RAD51B: variants seen among roughly 807,000 people sequenced by gnomAD.
The protein encoded by RAD51B is DNA repair protein RAD51 homolog 2.
Under a neutral mutation model 42.2 loss-of-function variants are expected in RAD51B, and 38 were observed. The observed-to-expected ratio is 0.90, with a 90% CI of 0.70 to 1.18. The LOEUF (loss-of-function observed/expected upper bound fraction) is 1.18, where lower values mean the gene tolerates loss of function less well. RAD51B is among the 50% of genes most tolerant of loss of function. The pLI is 0.00. For synonymous variants in RAD51B, 154 were observed against 145.2 expected (o/e 1.06, Z -0.43); for missense variants, 373 against 400.7 (o/e 0.93, Z 0.59).
At chr14:68,255,442 T>A (rs958311574) in intron 7 of RAD51B, among the ~76,000 whole-genome samples, 1 of 152,200 alleles carries the variant, frequency 6.6e-6, no homozygotes, top group Non-Finnish European at 1.5e-5. Context: ...TTCCAAGTCC[T>A]ACTTTCATAC....
At chr14:68,388,759 T>C (rs1328284513) in intron 8 of RAD51B, among the ~76,000 whole-genome samples, 1 of 152,186 alleles carries the variant, frequency 6.6e-6, no homozygotes, top group Non-Finnish European at 1.5e-5. Flanking sequence ...TAGCTTGTTT[T>C]CATGAATGGA....
intron 7 of RAD51B, among the ~76,000 whole-genome samples, chr14:68,010,421 T>A (rs552869536): frequency 6.6e-6 from 1 of 151,882 alleles, no homozygotes; most frequent in Non-Finnish European, 1.5e-5. Flanking sequence ...CCTTGGCTCA[T>A]CAGAGAGAGC....
intron 7 of RAD51B, among the ~76,000 whole-genome samples, chr14:67,915,344 T>C (rs1226769787): frequency 6.6e-6 from 1 of 152,332 alleles, no homozygotes; most frequent in East Asian, 1.9e-4. Context: ...AAGCTTTTAT[T>C]GGATAGATTT....
rs575542859 is a variant in RAD51B at position 68,065,409 on chromosome 14, C to T, written c.756+178205C>T. Among the ~76,000 whole-genome samples the T allele has an allele frequency of 5.9e-5, 9 of 152,262 alleles. No homozygotes were observed. The East Asian group carries it at 1.5e-3, about 26-fold the overall frequency. ...GGTGCTACTCCCCTGGGGCCATGTG[C>T]TGGCCTGGTCTGTGCTCAGGGAAAA... On this transcript the variant is annotated intron_variant, in intron 7 of 10. Transcript: ENST00000471583.
At chr14:68,490,867 G>A (rs1884013575) in intron 10 of RAD51B, among the ~76,000 whole-genome samples, 1 of 152,172 alleles carries the variant, frequency 6.6e-6, no homozygotes, top group Non-Finnish European at 1.5e-5. Context: ...AGGCCAAGGG[G>A]AGAGCGGGGA....
chr14:68,389,785 G>A lies in RAD51B; in HGVS notation c.854-21639G>A, dbSNP rs139031986. Among the ~76,000 whole-genome samples the A allele has an allele frequency of 2.4e-3, 361 of 152,274 alleles. 2 individuals carry two copies. Among genetic ancestry groups the A allele is most frequent in the Non-Finnish European group, 2.9e-3 (196 of 68,024 alleles). ...ATTTTGTCCGATGTAGATTTGATCCGTCTCAGTCAGGCTTCCAAAAGACTT... is the reference window on the plus strand; with the variant it reads ...ATTTTGTCCGATGTAGATTTGATCCATCTCAGTCAGGCTTCCAAAAGACTT... On this transcript the variant is annotated intron_variant, in intron 8 of 10. Coordinates refer to ENST00000471583, the MANE Select transcript of RAD51B (RefSeq NM_133510.4).
At chr14:67,834,805 T>C (rs181155574) in intron 3 of RAD51B, among the ~76,000 whole-genome samples, 16 of 152,280 alleles carry the variant, frequency 1.1e-4, no homozygotes, top group Admixed American at 8.5e-4. Context: ...CTCTTATTAA[T>C]TGTGTTGTAA....
chr14:67,920,389 T>C (rs1225296576), intron 7 of RAD51B, among the ~76,000 whole-genome samples: 1 of 152,194 alleles, frequency 6.6e-6, no homozygotes, highest in Non-Finnish European at 1.5e-5. Context: ...GTTATAAATC[T>C]ATTTCATCTT....
At chr14:68,485,888 G>T (rs1022020385) in intron 10 of RAD51B, among the ~76,000 whole-genome samples, 2 of 152,254 alleles carry the variant, frequency 1.3e-5, no homozygotes, top group African/African-American at 4.8e-5. Context: ...CTAGTCACGT[G>T]TGGTGTTGCC....
At chr14:68,098,801 A>ATGCG (rs1371701160) in intron 7 of RAD51B, among the ~76,000 whole-genome samples, 1 of 152,242 alleles carries the variant, frequency 6.6e-6, no homozygotes, top group Admixed American at 6.5e-5. Context: ...GGATAAGGAA[A>ATGCG]TTCTAGAGCA....
intron 7 of RAD51B, among the ~76,000 whole-genome samples, chr14:68,036,979 TC>T (rs1184601932): frequency 9.2e-5 from 14 of 151,666 alleles, no homozygotes; most frequent in Admixed American, 1.3e-4. Context: ...TTCTTTAGTA[TC>T]CATAATTGCT....
intron 8 of RAD51B, among the ~76,000 whole-genome samples, chr14:68,350,560 G>T (rs2082765521): frequency 6.6e-6 from 1 of 152,196 alleles, no homozygotes; most frequent in African/African-American, 2.4e-5. Flanking sequence ...GCATAAATCA[G>T]TGTTAGGTCC....
intron 7 of RAD51B, among the ~76,000 whole-genome samples, chr14:67,998,088 C>T (rs1323069998): frequency 2.0e-5 from 3 of 152,160 alleles, no homozygotes; most frequent in Non-Finnish European, 4.4e-5. Flanking sequence ...CCTGGACCAA[C>T]AGTATCAATG....
intron 9 of RAD51B, among the ~76,000 whole-genome samples, chr14:68,466,740 G>T (rs1171071686): frequency 1.3e-5 from 2 of 152,200 alleles, no homozygotes; most frequent in Non-Finnish European, 1.5e-5. Context: ...TCAAAGCTTG[G>T]TCACATAGCC....
At chr14:68,664,969 C>G (rs775449990) in intron 11 of RAD51B, among the ~76,000 whole-genome samples, 30 of 152,222 alleles carry the variant, frequency 2.0e-4, no homozygotes, top group Non-Finnish European at 3.2e-4. Flanking sequence ...GAGCCCTAAG[C>G]CCTGCCATGT....
chr14:68,371,052 AAAAG>A lies in RAD51B; in HGVS notation c.854-40368_854-40365del, dbSNP rs1327554553. ...ACTCTGTCTCAAAAAAAAAAAAAAA[AAAAG>A]AAAAAAAGAAAAGAAAATTAAAAAA... On this transcript the variant is annotated intron_variant, in intron 8 of 10. Transcript: ENST00000471583. Among the ~76,000 whole-genome samples the A allele has an allele frequency of 1.7e-3, 151 of 89,546 alleles. 7 individuals carry two copies. Among genetic ancestry groups the A allele is most frequent in the East Asian group, 8.3e-3 (17 of 2,044 alleles). The allele number at this position is 89,546 out of a possible 152,430, so 58.7% of individuals were successfully genotyped here. A position where few individuals can be genotyped will look rare whatever the true frequency, so the allele number is the denominator to read the frequency against.
At position 68,184,626 on chromosome 14, in the gene RAD51B, A is replaced by AAC. The variant is rs1555370068; in HGVS notation, c.757-107257_757-107256insCA. On this transcript the variant is annotated intron_variant, in intron 7 of 10. Coordinates refer to ENST00000471583, the MANE Select transcript of RAD51B (RefSeq NM_133510.4). ...CCCTGTCTAAAAAAAAAAAAAAACC[A>AAC]AAAAAAAAAACAGGAAGAAGAAGAA... Among the ~76,000 whole-genome samples, 62 of 10,764 alleles carry AAC rather than the reference A, an allele frequency of 5.8e-3. 2 individuals carry two copies. The highest frequency in any genetic ancestry group is 0.017 in the Non-Finnish European group (50 of 2,924). 7.1% of individuals were successfully genotyped at this position (10,764 alleles called of 152,430 possible).
At chr14:67,858,812 A>T (rs1456608685) in intron 4 of RAD51B, among the ~76,000 whole-genome samples, 3 of 152,214 alleles carry the variant, frequency 2.0e-5, no homozygotes, top group Non-Finnish European at 1.5e-5. Context: ...TGTCGCTATC[A>T]TTAGTAAGCA....
chr14:68,276,873 G>C (rs1282786968), intron 7 of RAD51B, among the ~76,000 whole-genome samples: 1 of 151,592 alleles, frequency 6.6e-6, no homozygotes, highest in East Asian at 1.9e-4. Context: ...GATGGCACAG[G>C]GATGGGGTCT....
Sources: allele counts gnomAD v4.1 joint callset (sites outside exome capture counted in the v4.1 genomes callset), GRCh38; gene constraint gnomAD v4.1.1; transcripts MANE v1.5; gene names NCBI Gene and HGNC (gene_info 2026-07-23, HGNC 2026-07-21).